Variants in TRIM5 observed in about 807,000 individuals in gnomAD.
TRIM5 encodes tripartite motif-containing protein 5.
A neutral mutation model predicts 35.6 loss-of-function variants in TRIM5; 31 were observed. The observed-to-expected ratio is 0.87, with a 90% CI of 0.65 to 1.18. The LOEUF is 1.18. Ranked by LOEUF, TRIM5 falls within the 50% of genes most tolerant of loss-of-function variation. The pLI, the probability that TRIM5 is intolerant of heterozygous loss-of-function variation, is 0.00. For synonymous variants in TRIM5, 243 were observed against 215.6 expected, an observed-to-expected ratio of 1.13 and a Z score of -1.11; for missense variants, 609 against 591.6, an observed-to-expected ratio of 1.03 and a Z score of -0.31.
Position 5,664,021 on chromosome 11 carries a change from G to A in TRIM5, c.*788C>T, listed in dbSNP as rs577606751. ...GTTCTAGACGAGCCTAACCAACATG[G>A]GGAAACCCCGTCTCTACTGAAAATA... is the stretch of plus-strand genomic sequence containing the variant. On this transcript the variant is annotated 3_prime_UTR_variant, in exon 8 of 8. Transcript: ENST00000380034. 1 of 163,810 alleles carries A rather than the reference G, an allele frequency of 6.1e-6. No individual in the cohort carries two copies. The allele number at this position is 163,810 out of a possible 1,614,324, so 10.1% of individuals were successfully genotyped here.
the TRIM5 span, chr11:5,611,195 G>C: frequency 6.2e-7 from 1 of 1,613,952 alleles, no homozygotes; most frequent in South Asian, 1.1e-5. Context: ...TAGATTATGA[G>C]GCTGGTACTG....
chr11:5,681,641 G>A (rs1052090256), intron 1 of TRIM5, among the ~76,000 whole-genome samples: 9 of 151,846 alleles, frequency 5.9e-5, no homozygotes, highest in African/African-American at 2.2e-4. Context: ...AGTTCCTTCA[G>A]ACCCCCATAA....
At chr11:5,652,693 T>C in the TRIM5 span, among the ~76,000 whole-genome samples, 6 of 152,200 alleles carry the variant, frequency 3.9e-5, no homozygotes, top group Non-Finnish European at 8.8e-5. Context: ...TTTTTTCTAG[T>C]CCTGTGAAGA....
the TRIM5 span, among the ~76,000 whole-genome samples, chr11:5,591,301 T>C: frequency 6.6e-6 from 1 of 152,190 alleles, no homozygotes; most frequent in African/African-American, 2.4e-5. Flanking sequence ...GCCAATACCA[T>C]GGCACCTTTT....
the TRIM5 span, chr11:5,610,929 T>G: frequency 6.2e-7 from 1 of 1,614,168 alleles, no homozygotes; most frequent in South Asian, 1.1e-5. Flanking sequence ...GCACTTCTCC[T>G]CTGGTAAGCA....
the TRIM5 span, chr11:5,619,983 A>C: frequency 6.6e-6 from 1 of 151,484 alleles, no homozygotes; most frequent in African/African-American, 2.4e-5. Flanking sequence ...TACAGGTGTG[A>C]GCCACTGCGC....
At chr11:5,657,649 T>C in the TRIM5 span, among the ~76,000 whole-genome samples, 4 of 121,248 alleles carry the variant, frequency 3.3e-5, no homozygotes, top group South Asian at 8.8e-4. Flanking sequence ...TATTTATATA[T>C]TATATATAAT....
At chr11:5,648,464 C>A in the TRIM5 span, among the ~76,000 whole-genome samples, 1 of 151,778 alleles carries the variant, frequency 6.6e-6, no homozygotes, top group Admixed American at 6.6e-5. Flanking sequence ...CGAGATCGCG[C>A]CACTGCACTC....
At chr11:5,606,034 G>A in the TRIM5 span, among the ~76,000 whole-genome samples, 7 of 152,176 alleles carry the variant, frequency 4.6e-5, no homozygotes, top group Non-Finnish European at 1.0e-4. Flanking sequence ...GCCCCAGGGT[G>A]AACACAGTGC....
the TRIM5 span, among the ~76,000 whole-genome samples, chr11:5,648,111 C>T: frequency 1.3e-5 from 2 of 152,160 alleles, no homozygotes; most frequent in Non-Finnish European, 2.9e-5. Context: ...GGCTACACAT[C>T]TTTTCTCACA....
chr11:5,684,241 A>G lies in TRIM5; in HGVS notation c.-62+627T>C, dbSNP rs180956809. On this transcript the variant is annotated intron_variant, in intron 1 of 7. Coordinates refer to ENST00000380034, the MANE Select transcript of TRIM5 (RefSeq NM_033034.3). ...CAACTGGAGTTCCACCCTATAGGCTAACACTCCTTTCTCTCCCCGTACTCA... is the reference window on the plus strand; with the variant it reads ...CAACTGGAGTTCCACCCTATAGGCTGACACTCCTTTCTCTCCCCGTACTCA... The G allele has an allele frequency of 1.3e-4, 20 of 153,082 alleles. No homozygotes were observed. In the East Asian group the frequency reaches 3.7e-3, roughly 28 times the overall value. The allele number at this position is 153,082 out of a possible 1,614,324, so 9.5% of individuals were successfully genotyped here. A position where few individuals can be genotyped will look rare whatever the true frequency, so the allele number is the denominator to read the frequency against.
At chr11:5,619,293 T>C in the TRIM5 span, among the ~76,000 whole-genome samples, 1 of 152,374 alleles carries the variant, frequency 6.6e-6, no homozygotes. Flanking sequence ...GGTAACCACA[T>C]GATCGTACAA....
the TRIM5 span, among the ~76,000 whole-genome samples, chr11:5,592,929 A>G: frequency 7.5e-6 from 1 of 132,636 alleles, no homozygotes; most frequent in African/African-American, 3.3e-5. Context: ...AAAAAAAAAA[A>G]AGAAAAAAGA....
the TRIM5 span, among the ~76,000 whole-genome samples, chr11:5,609,336 G>T: frequency 1.1e-4 from 17 of 152,116 alleles, no homozygotes; most frequent in Non-Finnish European, 2.5e-4. Context: ...ATCCTAAAAT[G>T]CTGTTTTGAA....
downstream of TRIM5, among the ~76,000 whole-genome samples, chr11:5,659,214 A>C (rs1190318653): frequency 1.3e-5 from 2 of 151,992 alleles, no homozygotes; most frequent in Non-Finnish European, 2.9e-5. Flanking sequence ...ACTCACCCCT[A>C]GAGGTTGCTG....
At chr11:5,621,002 T>G in the TRIM5 span, among the ~76,000 whole-genome samples, 1 of 152,204 alleles carries the variant, frequency 6.6e-6, no homozygotes, top group Non-Finnish European at 1.5e-5. Flanking sequence ...TCCCCATATC[T>G]TGGTGACCTT....
chr11:5,615,872 C>T, the TRIM5 span, among the ~76,000 whole-genome samples: 41 of 151,082 alleles, frequency 2.7e-4, no homozygotes, highest in African/African-American at 8.5e-4. Context: ...GAATTACCGG[C>T]GTGAGCCACC....
chr11:5,633,967 G>T, the TRIM5 span: 3 of 1,550,730 alleles, frequency 1.9e-6, no homozygotes, highest in Non-Finnish European at 2.6e-6. Context: ...AGGAGGCCTC[G>T]TCCTTTTTAT....
chr11:5,634,717 G>A, the TRIM5 span: 1 of 1,614,098 alleles, frequency 6.2e-7, no homozygotes, highest in South Asian at 1.1e-5. Context: ...AGAGAGAGCT[G>A]CAAAGATTGG....
Sources: allele counts gnomAD v4.1 joint callset (sites outside exome capture counted in the v4.1 genomes callset), GRCh38; gene constraint gnomAD v4.1.1; transcripts MANE v1.5; gene names NCBI Gene and HGNC (gene_info 2026-07-23, HGNC 2026-07-21).